RPGRIP1L: variants seen among roughly 807,000 people sequenced by gnomAD.
The protein encoded by RPGRIP1L is protein fantom.
Under a neutral mutation model 160.4 loss-of-function variants are expected in RPGRIP1L, and 131 were observed. The observed-to-expected ratio is 0.82, with a 90% confidence interval of 0.71 to 0.94. The LOEUF is 0.94. Ranked by LOEUF, RPGRIP1L falls within the 40% of genes least tolerant of loss-of-function variation. The pLI, the probability that RPGRIP1L is intolerant of heterozygous loss-of-function variation, is 0.00. For synonymous variants in RPGRIP1L, 510 were observed against 515.8 expected (o/e 0.99, Z 0.15); for missense variants, 1,522 against 1,535.8 (o/e 0.99, Z 0.15).
At chr16:53,636,111 A>G (rs943395464) in intron 22 of RPGRIP1L, among the ~76,000 whole-genome samples, 11 of 152,332 alleles carry the variant, frequency 7.2e-5, no homozygotes, top group Non-Finnish European at 1.3e-4. Flanking sequence ...TGAATTCTTT[A>G]AAGTTCAAAT....
In RPGRIP1L at chr16:53,649,183, C is replaced by G. The variant is rs116822997; in HGVS notation, c.2153-68G>C. 3.5e-4 allele frequency: 446 copies of G among 1,275,976 alleles called. 2 individuals carry two copies. In the African/African-American group the frequency reaches 4.7e-3, roughly 13 times the overall value. The allele number at this position is 1,275,976 out of a possible 1,614,324, so 79.0% of individuals were successfully genotyped here. On this transcript the variant is annotated intron_variant, in intron 15 of 26. Coordinates refer to ENST00000647211, the MANE Select transcript of RPGRIP1L (RefSeq NM_015272.5). ...ATTAAAATAGATAGCAGTAAAAATA[C>G]ATCAATGGCATTATGCATTAAAACT...
At position 53,601,416 on chromosome 16, in the gene RPGRIP1L, A is replaced by G. The variant is rs1963373086; in HGVS notation, c.*660T>C. 1 of 152,792 alleles carries G rather than the reference A, an allele frequency of 6.5e-6. No individual in the cohort carries two copies. Among genetic ancestry groups the G allele is most frequent in the Non-Finnish European group, 1.5e-5 (1 of 68,168 alleles). 9.5% of individuals were successfully genotyped at this position (152,792 alleles called of 1,614,324 possible). A position where few individuals can be genotyped will look rare whatever the true frequency, so the allele number is the denominator to read the frequency against. On this transcript the variant is annotated 3_prime_UTR_variant, in exon 27 of 27. Coordinates refer to ENST00000647211, the MANE Select transcript of RPGRIP1L (RefSeq NM_015272.5). ...AATAATACAAATAGAATGAACTTTTAAGAAAGAAAGACAAAAAACTTGCAG... is the reference window on the plus strand; with the variant it reads ...AATAATACAAATAGAATGAACTTTTGAGAAAGAAAGACAAAAAACTTGCAG...
chr16:53,627,301 G>A (rs929232893), intron 22 of RPGRIP1L, among the ~76,000 whole-genome samples: 3 of 152,092 alleles, frequency 2.0e-5, no homozygotes, highest in African/African-American at 7.2e-5. Context: ...TCTAATTATG[G>A]TGAGATTACA....
At chr16:53,612,487 G>C (rs1480455192) in intron 24 of RPGRIP1L, among the ~76,000 whole-genome samples, 1 of 138,348 alleles carries the variant, frequency 7.2e-6, no homozygotes, top group South Asian at 2.3e-4. Context: ...TTTCCAAATG[G>C]GATTTTTTTT....
Position 53,598,751 on chromosome 16 carries a change from G to A in RPGRIP1L, c.*3325C>T, listed in dbSNP as rs979138935. ...GGTTTAGTTTTTCTTTGTTAAGGTA[G>A]TCAGAGGCCTTCAGGCATGAGTGAC... On this transcript the variant is annotated 3_prime_UTR_variant, in exon 27 of 27. Transcript: ENST00000647211. 47 of 152,142 alleles carry A rather than the reference G, an allele frequency of 3.1e-4. No homozygotes were observed. The highest frequency in any genetic ancestry group is 1.0e-3 in the African/African-American group (43 of 41,440). 9.4% of individuals were successfully genotyped at this position (152,142 alleles called of 1,614,324 possible).
At chr16:53,657,171 C>A (rs1001756585) in intron 13 of RPGRIP1L, among the ~76,000 whole-genome samples, 1 of 151,710 alleles carries the variant, frequency 6.6e-6, no homozygotes, top group Non-Finnish European at 1.5e-5. Context: ...ACCTGGGAGG[C>A]GGAGGTTGCA....
At chr16:53,625,540 C>T (rs1211193832) in intron 22 of RPGRIP1L, among the ~76,000 whole-genome samples, 3 of 150,420 alleles carry the variant, frequency 2.0e-5, no homozygotes, top group South Asian at 4.2e-4. Context: ...CGCCTCCGCC[C>T]GGCAGCCACC....
At position 53,673,729 on chromosome 16, in the gene RPGRIP1L, T is replaced by C. The variant is rs998650072; in HGVS notation, c.883-713A>G. On this transcript the variant is annotated intron_variant, in intron 7 of 26. Coordinates refer to ENST00000647211, the MANE Select transcript of RPGRIP1L (RefSeq NM_015272.5). ...CACTCATTTAAATGACACATGGCTATTGAGCCATTCAGGTCAATTTTCGTT... is the reference window on the plus strand; with the variant it reads ...CACTCATTTAAATGACACATGGCTACTGAGCCATTCAGGTCAATTTTCGTT... Among the ~76,000 whole-genome samples the C allele has an allele frequency of 2.0e-5, 3 of 152,142 alleles. 1 individual carries two copies. Among genetic ancestry groups the C allele is most frequent in the Admixed American group, 2.0e-4 (3 of 15,256 alleles).
intron 25 of RPGRIP1L, among the ~76,000 whole-genome samples, chr16:53,609,511 T>TA (rs11439689): frequency 0.38 from 58,234 of 151,886 alleles, 12,955 homozygotes; most frequent in African/African-American, 0.6. Flanking sequence ...ACTTTTGGGG[T>TA]AAAAAAATGT....
chr16:53,636,000 T>C (rs1278034074), intron 22 of RPGRIP1L, among the ~76,000 whole-genome samples: 9 of 152,174 alleles, frequency 5.9e-5, no homozygotes, highest in Non-Finnish European at 4.4e-5. Context: ...TTGGCAGAAA[T>C]GAAATAACTG....
At chr16:53,681,497 T>C (rs566798790) in intron 6 of RPGRIP1L, among the ~76,000 whole-genome samples, 1 of 152,326 alleles carries the variant, frequency 6.6e-6, no homozygotes, top group African/African-American at 2.4e-5. Flanking sequence ...TTAAATTTAA[T>C]ATGGATTTTT....
At chr16:53,666,616 G>GT (rs1968291232) in intron 9 of RPGRIP1L, among the ~76,000 whole-genome samples, 2 of 149,824 alleles carry the variant, frequency 1.3e-5, no homozygotes, top group Non-Finnish European at 3.0e-5. Flanking sequence ...ATGTATGTAT[G>GT]TATGTATATG....
intron 1 of RPGRIP1L, chr16:53,703,311 A>T (rs1162334156): frequency 6.6e-6 from 1 of 152,224 alleles, no homozygotes; most frequent in Non-Finnish European, 1.5e-5. Flanking sequence ...TATTGAATGA[A>T]TAAATGAATA....
chr16:53,639,310 A>C (rs1246743079), intron 19 of RPGRIP1L, among the ~76,000 whole-genome samples: 1 of 151,994 alleles, frequency 6.6e-6, no homozygotes, highest in East Asian at 1.9e-4. Flanking sequence ...TTTCTTTAAA[A>C]CTAATTTTTG....
intron 22 of RPGRIP1L, among the ~76,000 whole-genome samples, chr16:53,631,248 T>C (rs1367265064): frequency 2.0e-5 from 3 of 152,222 alleles, no homozygotes; most frequent in Non-Finnish European, 4.4e-5. Flanking sequence ...GTTATTGTAA[T>C]CACCTGGGAA....
intron 24 of RPGRIP1L, among the ~76,000 whole-genome samples, chr16:53,615,466 ATATATATTTT>A (rs1449975295): frequency 1.5e-5 from 1 of 66,432 alleles, no homozygotes; most frequent in Non-Finnish European, 2.7e-5. Context: ...ATATATATAT[ATATATATTTT>A]TTTTTTTTTT....
chr16:53,689,281 T>A (rs1206082845), intron 4 of RPGRIP1L, among the ~76,000 whole-genome samples: 1 of 152,120 alleles, frequency 6.6e-6, no homozygotes, highest in Admixed American at 6.5e-5. Context: ...TTTTTAAATA[T>A]TCAGTATGCT....
chr16:53,651,304 C>T (rs558414944), intron 15 of RPGRIP1L, among the ~76,000 whole-genome samples: 2 of 152,226 alleles, frequency 1.3e-5, no homozygotes, highest in Non-Finnish European at 2.9e-5. Flanking sequence ...TACTTTTTAT[C>T]GCCACTTTCA....
At position 53,616,492 on chromosome 16, in the gene RPGRIP1L, AAAC is replaced by A. The variant is rs556841238; in HGVS notation, c.3616+2530_3616+2532del. Among the ~76,000 whole-genome samples the A allele has an allele frequency of 5.1e-3, 773 of 152,344 alleles. 7 individuals are homozygous for A. Among genetic ancestry groups the A allele is most frequent in the African/African-American group, 0.018 (732 of 41,582 alleles). ...CATTTTTTCAGATATAACAGATATA[AAAC>A]AACATTAGTTTGCTTCTAAGCACGG... On this transcript the variant is annotated intron_variant, in intron 24 of 26. Coordinates refer to ENST00000647211, the MANE Select transcript of RPGRIP1L (RefSeq NM_015272.5).
Sources: gnomAD v4.1 joint callset for allele counts (sites outside exome capture counted in the v4.1 genomes callset) on GRCh38, gnomAD v4.1.1 for gene constraint, MANE v1.5 for transcripts, NCBI Gene and HGNC (gene_info 2026-07-23, HGNC 2026-07-21) for gene names.